The following FSTL4 variants were observed in gnomAD, a reference collection of about 807,000 sequenced individuals.
The protein encoded by FSTL4 is follistatin like 4.
FSTL4 carries 28 observed loss-of-function variants against 78.2 expected under a neutral mutation model. That is an observed-to-expected ratio of 0.36 (90% CI 0.27 to 0.49). FSTL4 has a LOEUF of 0.49. FSTL4 is among the 20% of genes least tolerant of loss of function. FSTL4 has a pLI of 0.98. For missense variants in FSTL4, 922 were observed against 1,084.9 expected (o/e 0.85, Z 2.11); for synonymous variants, 422 against 440.5 (o/e 0.96, Z 0.53).
intron 3 of FSTL4, among the ~76,000 whole-genome samples, chr5:133,466,059 C>T (rs914961219): frequency 1.4e-4 from 22 of 152,266 alleles, no homozygotes; most frequent in East Asian, 5.8e-4. Context: ...TGGAAGGAAA[C>T]GGGACATGGC....
chr5:133,595,341 T>C (rs779626115), intron 2 of FSTL4, among the ~76,000 whole-genome samples: 1 of 152,244 alleles, frequency 6.6e-6, no homozygotes. Context: ...CTCCTGGGAT[T>C]TCTTATGTAA....
Position 133,562,892 on chromosome 5 carries a change from T to A in FSTL4, c.160+4294A>T, listed in dbSNP as rs138557767. ...AGTCAGAGAAAAGTACCGGTTTGAG[T>A]AGATGAATTTTGGCAGTCGCAATCA... On this transcript the variant is annotated intron_variant, in intron 3 of 15. Transcript: ENST00000265342. Among the ~76,000 whole-genome samples the A allele has an allele frequency of 1.4e-3, 213 of 152,168 alleles. 1 individual carries two copies. Among genetic ancestry groups the A allele is most frequent in the African/African-American group, 4.9e-3 (203 of 41,498 alleles).
chr5:133,719,024 A>C, the FSTL4 span, among the ~76,000 whole-genome samples: 1 of 152,256 alleles, frequency 6.6e-6, no homozygotes, highest in South Asian at 2.1e-4. Flanking sequence ...TTTGGGGGGA[A>C]AACCTGGATG....
intron 3 of FSTL4, among the ~76,000 whole-genome samples, chr5:133,516,832 G>A (rs2112893431): frequency 6.6e-6 from 1 of 152,258 alleles, no homozygotes; most frequent in East Asian, 1.9e-4. Context: ...TGTAAATAGG[G>A]TGTCATTTCA....
At chr5:133,523,459 AGATAGTG>A (rs113214823) in intron 3 of FSTL4, among the ~76,000 whole-genome samples, 19,167 of 152,178 alleles carry the variant, frequency 0.13, 1,268 homozygotes, top group Non-Finnish European at 0.15. Flanking sequence ...GAAAACCACC[AGATAGTG>A]GATGACATAG....
intron 3 of FSTL4, among the ~76,000 whole-genome samples, chr5:133,508,349 A>G (rs1466704821): frequency 6.6e-6 from 1 of 152,206 alleles, no homozygotes; most frequent in Non-Finnish European, 1.5e-5. Flanking sequence ...CTCATGTGTC[A>G]AATGCTTGGC....
intron 3 of FSTL4, among the ~76,000 whole-genome samples, chr5:133,478,785 G>T (rs1027860243): frequency 6.6e-6 from 1 of 152,014 alleles, no homozygotes; most frequent in Non-Finnish European, 1.5e-5. Flanking sequence ...GGCTATTGAG[G>T]CCTCTGCGAT....
the FSTL4 span, among the ~76,000 whole-genome samples, chr5:133,806,004 C>T: frequency 1.3e-5 from 2 of 152,218 alleles, no homozygotes. Flanking sequence ...GTATGGGATA[C>T]CGCCTAATGA....
intron 6 of FSTL4, 182 bp downstream of exon 6, chr5:133,312,472 A>C (rs1753808548): frequency 3.3e-6 from 2 of 613,570 alleles, no homozygotes; most frequent in Non-Finnish European, 5.8e-6. Context: ...CTCTGGCCCC[A>C]TCCACTCTCC....
rs530593359 is a variant in FSTL4, at chr5:133,236,297, C to T, written c.895-2760G>A. On this transcript the variant is annotated intron_variant, in intron 7 of 15. Transcript: ENST00000265342. This position sits in a 1 kb window ranked among gnomAD's most constrained non-coding sequence, Gnocchi z 5.0. ...TGGGCCCTGGGCTCTGAGGGCTGTC[C>T]CAAGGCCACTGTTCCCAGATATCAA... 3.9e-5 allele frequency among the ~76,000 whole-genome samples: 6 copies of T among 152,234 alleles called. No individual in the cohort carries two copies. In the South Asian group the frequency reaches 1.2e-3, roughly 32 times the overall value.
chr5:133,446,906 G>C (rs1028227911), intron 3 of FSTL4, among the ~76,000 whole-genome samples: 1 of 152,216 alleles, frequency 6.6e-6, no homozygotes, highest in Non-Finnish European at 1.5e-5. Flanking sequence ...TGGTGGCTGA[G>C]GGGGTTCTGG....
intron 6 of FSTL4, among the ~76,000 whole-genome samples, chr5:133,279,953 G>A (rs1281478054): frequency 5.3e-5 from 8 of 152,240 alleles, no homozygotes; most frequent in African/African-American, 1.7e-4. Context: ...GCAGACACTG[G>A]AGTTACATTG....
chr5:133,647,212 G>A, the FSTL4 span, among the ~76,000 whole-genome samples: 3 of 152,146 alleles, frequency 2.0e-5, no homozygotes, highest in African/African-American at 7.2e-5. Flanking sequence ...AGAAGATACA[G>A]CAGAGGGAGT....
chr5:133,498,240 T>C (rs1223625319), intron 3 of FSTL4, among the ~76,000 whole-genome samples: 2 of 152,206 alleles, frequency 1.3e-5, no homozygotes, highest in Non-Finnish European at 2.9e-5. Flanking sequence ...TAATCCCACA[T>C]TCTCTCATCT....
At chr5:133,708,125 G>A in the FSTL4 span, among the ~76,000 whole-genome samples, 657 of 146,094 alleles carry the variant, frequency 4.5e-3, 4 homozygotes, top group Middle Eastern at 0.024. Context: ...GAAAGAGAAG[G>A]GGGAGGGAGG....
chr5:133,427,369 A>G (rs528484279), intron 3 of FSTL4, among the ~76,000 whole-genome samples: 3 of 152,306 alleles, frequency 2.0e-5, no homozygotes, highest in African/African-American at 7.2e-5. Flanking sequence ...GAGAGGATGT[A>G]GCCCCTTTTG....
intron 3 of FSTL4, among the ~76,000 whole-genome samples, chr5:133,526,084 A>C (rs1043781216): frequency 6.6e-6 from 1 of 152,174 alleles, no homozygotes; most frequent in African/African-American, 2.4e-5. Flanking sequence ...ACTTTAACAG[A>C]TGAACAGCTT....
chr5:133,674,444 G>T, the FSTL4 span, among the ~76,000 whole-genome samples: 1 of 152,052 alleles, frequency 6.6e-6, no homozygotes, highest in African/African-American at 2.4e-5. Flanking sequence ...TTCACACAAA[G>T]TAACCAAAAG....
At chr5:133,465,185 CT>C (rs1757679768) in intron 3 of FSTL4, among the ~76,000 whole-genome samples, 1 of 152,250 alleles carries the variant, frequency 6.6e-6, no homozygotes, top group Admixed American at 6.5e-5. Context: ...TTGGTCTCCC[CT>C]GGCCTCTGCC....
Sources: gnomAD v4.1 joint callset for allele counts (sites outside exome capture counted in the v4.1 genomes callset) on GRCh38, gnomAD v4.1.1 for gene constraint, Gnocchi (gnomAD v3.1) non-coding constraint, MANE v1.5 for transcripts, NCBI Gene and HGNC (gene_info 2026-07-23, HGNC 2026-07-21) for gene names.